The following CEP68 variants were observed in gnomAD, a reference collection of about 807,000 sequenced individuals.
CEP68 encodes centrosomal protein 68.
A neutral mutation model predicts 55.3 loss-of-function variants in CEP68; 26 were observed. The ratio of observed to expected loss-of-function variants is 0.47; its 90% confidence interval spans 0.34 to 0.65. CEP68 has a LOEUF of 0.65. CEP68 is among the 30% of genes least tolerant of loss of function. The pLI is 0.01. For synonymous variants in CEP68, 402 were observed against 383.2 expected (o/e 1.05, Z -0.57); for missense variants, 957 against 946.7 (o/e 1.01, Z -0.14).
At chr2:65,078,123 C>T (rs571150351) in intron 5 of CEP68, among the ~76,000 whole-genome samples, 159 bp downstream of exon 5, 6 of 152,294 alleles carry the variant, frequency 3.9e-5, no homozygotes, top group South Asian at 4.1e-4. Flanking sequence ...CTCCACGCGT[C>T]GCTGCCCATC....
At chr2:65,073,382 T>C (rs1676598843) in intron 3 of CEP68, 3 of 307,044 alleles carry the variant, frequency 9.8e-6, no homozygotes, top group South Asian at 5.8e-5. Flanking sequence ...AGTGGCTTTC[T>C]TGACTGCAGG....
intron 5 of CEP68, among the ~76,000 whole-genome samples, chr2:65,078,285 C>T (rs1230259858): frequency 1.3e-5 from 2 of 152,140 alleles, no homozygotes; most frequent in Non-Finnish European, 2.9e-5. Flanking sequence ...AGTATTAATC[C>T]ACCATCCTTA....
rs148056073 is a variant in CEP68 at position 65,071,743 on chromosome 2, C to T, written c.647C>T (p.Pro216Leu). The T allele has an allele frequency of 6.2e-7, 1 of 1,613,906 alleles. No homozygotes were observed. The highest frequency in any genetic ancestry group is 8.5e-7 in the Non-Finnish European group (1 of 1,179,904). Residue 216 changes from proline (P) to leucine (L), a missense_variant, in exon 3 of 7, where the codon CCT becomes CTT. Coordinates refer to ENST00000377990, the MANE Select transcript of CEP68 (RefSeq NM_015147.3). ...SLQGHQERAE[P>L]RGGSLAKVSS... ...CAGGGTCACCAGGAGAGGGCGGAGC[C>T]TCGTGGTGGTTCTCTGGCCAAGGTC...
intron 1 of CEP68, among the ~76,000 whole-genome samples, chr2:65,066,247 A>T (rs1312976206): frequency 6.6e-6 from 1 of 152,200 alleles, no homozygotes; most frequent in Admixed American, 6.5e-5. Flanking sequence ...TGCACACTCC[A>T]TACAGACAGT....
intron 1 of CEP68, among the ~76,000 whole-genome samples, chr2:65,063,981 TAGG>T (rs1218787219): frequency 2.0e-5 from 3 of 152,192 alleles, no homozygotes; most frequent in Non-Finnish European, 2.9e-5. Flanking sequence ...ACTTGTATAA[TAGG>T]GGGGAAAAGC....
At chr2:65,067,405 A>T (rs1425389347) in intron 1 of CEP68, among the ~76,000 whole-genome samples, 1 of 152,118 alleles carries the variant, frequency 6.6e-6, no homozygotes, top group Non-Finnish European at 1.5e-5. Context: ...AAGTGGGGGA[A>T]GGATGAACAT....
At chr2:65,069,952 C>T in intron 2 of CEP68, 151 bp downstream of exon 2, 1 of 769,040 alleles carries the variant, frequency 1.3e-6, no homozygotes, top group Admixed American at 2.4e-5. Context: ...TTTGCGGGTT[C>T]AGCTAGAGAG....
intron 4 of CEP68, among the ~76,000 whole-genome samples, chr2:65,076,568 A>G (rs1676764611): frequency 6.6e-6 from 1 of 152,126 alleles, no homozygotes; most frequent in African/African-American, 2.4e-5. Context: ...ATTAAGACCT[A>G]GTATAAGCGA....
In CEP68 at chr2:65,084,740, CTT is replaced by C. The variant is rs1668978676; in HGVS notation, c.*1108_*1109del. 1 of 152,170 alleles carries C rather than the reference CTT, an allele frequency of 6.6e-6. No individual in the cohort carries two copies. The highest frequency in any genetic ancestry group is 1.5e-5 in the Non-Finnish European group (1 of 68,028). The allele number at this position is 152,170 out of a possible 1,614,324, so 9.4% of individuals were successfully genotyped here. A position where few individuals can be genotyped will look rare whatever the true frequency, so the allele number is the denominator to read the frequency against. ...CTTTTCTGCTTCAGAATTTCTGAGA[CTT>C]TATAGTCACTGGAAAATAGCCATTA... On this transcript the variant is annotated 3_prime_UTR_variant, in exon 7 of 7. Coordinates refer to ENST00000377990, the MANE Select transcript of CEP68 (RefSeq NM_015147.3).
At chr2:65,062,632 TC>T (rs1176140127) in intron 1 of CEP68, among the ~76,000 whole-genome samples, 1 of 151,420 alleles carries the variant, frequency 6.6e-6, no homozygotes, top group Non-Finnish European at 1.5e-5. Context: ...GCTCAGGAGT[TC>T]GAGACCAGCC....
intron 1 of CEP68, among the ~76,000 whole-genome samples, chr2:65,068,889 G>A (rs1166076722): frequency 6.6e-6 from 1 of 152,196 alleles, no homozygotes; most frequent in Non-Finnish European, 1.5e-5. Context: ...GCAGAGCCAA[G>A]CATCTTGGAG....
chr2:65,076,645 C>T (rs1296482144), intron 4 of CEP68, among the ~76,000 whole-genome samples: 3 of 147,420 alleles, frequency 2.0e-5, no homozygotes, highest in Admixed American at 6.8e-5. Flanking sequence ...TGTCTTAACA[C>T]GGGGTTGCAG....
intron 1 of CEP68, among the ~76,000 whole-genome samples, chr2:65,058,958 C>T (rs1203208498): frequency 6.6e-6 from 1 of 152,110 alleles, no homozygotes; most frequent in Admixed American, 6.5e-5. Context: ...CCAAGAGTTA[C>T]AGTAGTACTT....
At chr2:65,073,275 G>GCCACTACCCTTGGCTGCTTCCTAA (rs1676589853) in intron 3 of CEP68, 4 of 443,442 alleles carry the variant, frequency 9.0e-6, no homozygotes, top group Non-Finnish European at 1.7e-5. Context: ...TGAGCTCTTA[G>GCCACTACCCTTGGCTGCTTCCTAA]CCACTACCCT....
rs1477447841 is a variant in CEP68, at chr2:65,085,489, G to A, written c.*1855G>A. ...ACACAACTGTTAATTATACCGCCGT[G>A]CTTTAAGTTTAAGACTTACCTTAAA... On this transcript the variant is annotated 3_prime_UTR_variant, in exon 7 of 7. Coordinates refer to ENST00000377990, the MANE Select transcript of CEP68 (RefSeq NM_015147.3). The A allele has an allele frequency of 6.6e-6, 1 of 152,020 alleles. No homozygotes were observed. Among genetic ancestry groups the A allele is most frequent in the African/African-American group, 2.4e-5 (1 of 41,362 alleles). The allele number at this position is 152,020 out of a possible 1,614,324, so 9.4% of individuals were successfully genotyped here.
chr2:65,056,948 C>A (rs1033827790), intron 1 of CEP68, among the ~76,000 whole-genome samples: 23 of 152,352 alleles, frequency 1.5e-4, no homozygotes, highest in African/African-American at 5.3e-4. Context: ...GTTTACCCAG[C>A]TCCCCAGTCG....
chr2:65,076,302 A>G (rs34866486), intron 4 of CEP68, among the ~76,000 whole-genome samples: 2,501 of 152,264 alleles, frequency 0.016, 26 homozygotes, highest in Middle Eastern at 0.027. Context: ...TGCAAACAGA[A>G]TAATTCCATC....
In CEP68 at chr2:65,084,842, G is replaced by C. The variant is rs547708311; in HGVS notation, c.*1208G>C. On this transcript the variant is annotated 3_prime_UTR_variant, in exon 7 of 7. Transcript: ENST00000377990. ...ATTTCAAGTGCCTGATGCTGCTGTGGTATGCTTTATCATAATGCTTAAGGG... is the reference window on the plus strand; with the variant it reads ...ATTTCAAGTGCCTGATGCTGCTGTGCTATGCTTTATCATAATGCTTAAGGG... The C allele has an allele frequency of 2.8e-4, 42 of 152,202 alleles. No individual in the cohort carries two copies. Among genetic ancestry groups the C allele is most frequent in the African/African-American group, 9.9e-4 (41 of 41,548 alleles). 9.4% of individuals were successfully genotyped at this position (152,202 alleles called of 1,614,324 possible).
intron 1 of CEP68, among the ~76,000 whole-genome samples, chr2:65,062,126 C>T (rs1041739916): frequency 3.3e-5 from 5 of 152,238 alleles, no homozygotes; most frequent in African/African-American, 1.2e-4. Flanking sequence ...AACACCTGGC[C>T]TCTGTGGCTG....
Sources: allele counts gnomAD v4.1 joint callset (sites outside exome capture counted in the v4.1 genomes callset), GRCh38; gene constraint gnomAD v4.1.1; transcripts MANE v1.5; gene names NCBI Gene and HGNC (gene_info 2026-07-23, HGNC 2026-07-21).